Variants in PPFIBP2 observed in about 807,000 individuals in gnomAD.
The protein encoded by PPFIBP2 is PPFIB scaffold protein 2.
A neutral mutation model predicts 118.3 loss-of-function variants in PPFIBP2; 118 were observed. That is an observed-to-expected ratio of 1.00 (90% CI 0.86 to 1.16). PPFIBP2 has a LOEUF of 1.16. PPFIBP2 is among the 50% of genes most tolerant of loss of function. PPFIBP2 has a pLI of 0.00. For missense variants in PPFIBP2, 1,195 were observed against 1,073.1 expected, an observed-to-expected ratio of 1.11 and a Z score of -1.59; for synonymous variants, 414 against 397.4, an observed-to-expected ratio of 1.04 and a Z score of -0.50.
intron 17 of PPFIBP2, among the ~76,000 whole-genome samples, chr11:7,645,373 A>C (rs1852904776): frequency 6.6e-6 from 1 of 152,188 alleles, no homozygotes; most frequent in Non-Finnish European, 1.5e-5. Flanking sequence ...CTCACTAATG[A>C]ACTGTAAATT....
chr11:7,596,104 A>C (rs1231921937), intron 4 of PPFIBP2, among the ~76,000 whole-genome samples: 1 of 152,226 alleles, frequency 6.6e-6, no homozygotes, highest in East Asian at 1.9e-4. Context: ...TAGCTATAGA[A>C]TGCTAGAGAT....
In PPFIBP2 at chr11:7,577,740, G is replaced by A; in HGVS notation, c.279+11973G>A. On this transcript the variant is annotated intron_variant, in intron 3 of 23. Coordinates refer to ENST00000299492, the MANE Select transcript of PPFIBP2 (RefSeq NM_003621.5). Reference sequence around the variant, plus strand: ...GTGTGCCTGTGTGTGGTAGGGGGAGGTATTGTCCAGCAAAGCCCTGCTGTG... The same window carrying A: ...GTGTGCCTGTGTGTGGTAGGGGGAGATATTGTCCAGCAAAGCCCTGCTGTG... The A allele has an allele frequency of 6.7e-6, 3 of 447,794 alleles. 1 individual carries two copies. Among genetic ancestry groups the A allele is most frequent in the South Asian group, 4.7e-5 (3 of 63,366 alleles). The allele number at this position is 447,794 out of a possible 1,614,324, so 27.7% of individuals were successfully genotyped here.
chr11:7,591,085 A>G (rs1388994466), intron 3 of PPFIBP2, among the ~76,000 whole-genome samples: 1 of 149,332 alleles, frequency 6.7e-6, no homozygotes, highest in Non-Finnish European at 1.5e-5. Context: ...TATTAACTGA[A>G]TTTATGATTT....
At chr11:7,641,447 C>T (rs758762961) in intron 15 of PPFIBP2, 32 bp from the exon 16 acceptor site, 1 of 1,611,882 alleles carries the variant, frequency 6.2e-7, no homozygotes, top group East Asian at 2.2e-5. Flanking sequence ...CACATCCTTA[C>T]ATTCACATTC....
chr11:7,661,190 C>T (rs147109697), downstream of PPFIBP2, among the ~76,000 whole-genome samples: 45,736 of 147,604 alleles, frequency 0.31, 8,561 homozygotes, highest in Non-Finnish European at 0.42. Context: ...CTTCTGCTAG[C>T]TTTTGAATAT....
intron 13 of PPFIBP2, among the ~76,000 whole-genome samples, chr11:7,635,318 C>T (rs1446938283): frequency 2.0e-5 from 3 of 152,190 alleles, no homozygotes; most frequent in Admixed American, 2.0e-4. Flanking sequence ...CTCCCATGGT[C>T]ACGTGTCTCT....
chr11:7,658,871 T>C (rs1854826107), downstream of PPFIBP2, among the ~76,000 whole-genome samples: 1 of 98,914 alleles, frequency 1.0e-5, no homozygotes, highest in African/African-American at 4.0e-5. Flanking sequence ...TCATTGTGGT[T>C]TTGATTTGCA....
intron 6 of PPFIBP2, among the ~76,000 whole-genome samples, chr11:7,615,610 G>T (rs1418491664): frequency 6.6e-6 from 1 of 152,186 alleles, no homozygotes; most frequent in Non-Finnish European, 1.5e-5. Flanking sequence ...GAATTCTGAA[G>T]CATTTGAATG....
At chr11:7,632,668 G>A (rs117543796) in intron 11 of PPFIBP2, 199 bp from the exon 12 acceptor site, 7,455 of 511,764 alleles carry the variant, frequency 0.015, 91 homozygotes, top group Non-Finnish European at 0.02. Context: ...GGAGAGGCAA[G>A]CTGGCCCAGA....
chr11:7,583,505 G>C (rs1590367622), intron 3 of PPFIBP2, among the ~76,000 whole-genome samples: 1 of 152,162 alleles, frequency 6.6e-6, no homozygotes, highest in African/African-American at 2.4e-5. Flanking sequence ...AGTCTTCAAA[G>C]AGTCTTCTCT....
At chr11:7,552,737 A>G (rs1351191127) in intron 2 of PPFIBP2, among the ~76,000 whole-genome samples, 1 of 151,770 alleles carries the variant, frequency 6.6e-6, no homozygotes, top group Non-Finnish European at 1.5e-5. Flanking sequence ...GGTGTATCTC[A>G]CTTTAACCAT....
At chr11:7,521,589 A>G (rs1849763760) in intron 1 of PPFIBP2, among the ~76,000 whole-genome samples, 1 of 152,208 alleles carries the variant, frequency 6.6e-6, no homozygotes, top group South Asian at 2.1e-4. Flanking sequence ...TGTTACATAC[A>G]TATCACATCA....
intron 2 of PPFIBP2, among the ~76,000 whole-genome samples, chr11:7,561,617 T>G (rs1243255872): frequency 6.6e-6 from 1 of 152,264 alleles, no homozygotes; most frequent in Non-Finnish European, 1.5e-5. Context: ...CTTATTTTTT[T>G]CTGTGAGGGT....
chr11:7,642,806 G>C lies in PPFIBP2; in HGVS notation c.1646+380G>C, dbSNP rs148277575. On this transcript the variant is annotated intron_variant, in intron 17 of 23. Coordinates refer to ENST00000299492, the MANE Select transcript of PPFIBP2 (RefSeq NM_003621.5). ...GATGTCCGTTCTCAGAAATAATATA[G>C]TCTAGATTCCAATTAAGGAAGAAAA... is the stretch of plus-strand genomic sequence containing the variant. Among the ~76,000 whole-genome samples, 972 of 152,284 alleles carry C rather than the reference G, an allele frequency of 6.4e-3. 19 individuals carry two copies. The highest frequency in any genetic ancestry group is 0.022 in the African/African-American group (920 of 41,562).
chr11:7,602,794 G>C (rs758742756), intron 5 of PPFIBP2, among the ~76,000 whole-genome samples: 2 of 152,146 alleles, frequency 1.3e-5, no homozygotes, highest in African/African-American at 2.4e-5. Context: ...TTACTTTTAG[G>C]TGAGGTTGGG....
intron 5 of PPFIBP2, chr11:7,606,076 T>A: frequency 6.7e-7 from 1 of 1,495,050 alleles, no homozygotes; most frequent in Non-Finnish European, 8.9e-7. Flanking sequence ...GTTCCTTCGG[T>A]TTGGGGAGAA....
At chr11:7,579,307 T>C (rs1253227172) in intron 3 of PPFIBP2, among the ~76,000 whole-genome samples, 1 of 152,186 alleles carries the variant, frequency 6.6e-6, no homozygotes, top group African/African-American at 2.4e-5. Flanking sequence ...TCATTTTCTC[T>C]GCCAAATATG....
chr11:7,639,060 A>AT (rs1170889573), intron 14 of PPFIBP2, among the ~76,000 whole-genome samples: 21 of 152,180 alleles, frequency 1.4e-4, no homozygotes, highest in Admixed American at 2.6e-4. Flanking sequence ...CAATATAGGG[A>AT]TTTTTTCTTC....
chr11:7,619,801 A>G (rs1849125092), intron 6 of PPFIBP2, among the ~76,000 whole-genome samples: 2 of 152,210 alleles, frequency 1.3e-5, no homozygotes, highest in South Asian at 4.1e-4. Context: ...TGGATATGGC[A>G]TTTAGTGAGA....
Sources: allele counts gnomAD v4.1 joint callset (sites outside exome capture counted in the v4.1 genomes callset), GRCh38; gene constraint gnomAD v4.1.1; transcripts MANE v1.5; gene names NCBI Gene and HGNC (gene_info 2026-07-23, HGNC 2026-07-21).